SCFD1: variants seen among roughly 807,000 people sequenced by gnomAD.
The protein encoded by SCFD1 is sec1 family domain-containing protein 1.
Under a neutral mutation model 103.2 loss-of-function variants are expected in SCFD1, and 37 were observed. The observed-to-expected ratio is 0.36, with a 90% CI of 0.28 to 0.47. The LOEUF is 0.47. Among genes scored for constraint, SCFD1 ranks in the 20% least tolerant of loss-of-function variants. The pLI, the probability that SCFD1 is intolerant of heterozygous loss-of-function variation, is 1.00. For missense variants in SCFD1, 639 were observed against 761.2 expected, an observed-to-expected ratio of 0.84 and a Z score of 1.89; for synonymous variants, 264 against 245.0, an observed-to-expected ratio of 1.08 and a Z score of -0.73.
chr14:30,683,356 A>G (rs1370439321), intron 14 of SCFD1: 4 of 579,102 alleles, frequency 6.9e-6, no homozygotes, highest in African/African-American at 1.9e-5. Flanking sequence ...AACTCTAGTG[A>G]GAGCTTATGC....
At chr14:30,721,793 T>G in intron 21 of SCFD1, 91 bp from the exon 22 acceptor site, 1 of 1,034,308 alleles carries the variant, frequency 9.7e-7, no homozygotes, top group Non-Finnish European at 1.5e-6. Flanking sequence ...AATACTTACC[T>G]AATAGTGCAT....
At chr14:30,681,483 A>T (rs1889477575) in intron 14 of SCFD1, among the ~76,000 whole-genome samples, 1 of 152,036 alleles carries the variant, frequency 6.6e-6, no homozygotes, top group South Asian at 2.1e-4. Context: ...GTCAATACAT[A>T]GGATAAATTT....
chr14:30,675,735 A>G (rs545332562), intron 14 of SCFD1, among the ~76,000 whole-genome samples: 13 of 152,292 alleles, frequency 8.5e-5, no homozygotes, highest in African/African-American at 3.1e-4. Context: ...TCCATTTTAT[A>G]TGATGCATTT....
At chr14:30,681,483 A>G (rs1889477575) in intron 14 of SCFD1, among the ~76,000 whole-genome samples, 1 of 152,036 alleles carries the variant, frequency 6.6e-6, no homozygotes, top group South Asian at 2.1e-4. Flanking sequence ...GTCAATACAT[A>G]GGATAAATTT....
chr14:30,694,747 C>T lies in SCFD1; in HGVS notation c.1243-26C>T, dbSNP rs188311014. 14 of 1,560,436 alleles carry T rather than the reference C, an allele frequency of 9.0e-6. No homozygotes were observed. The East Asian group carries it at 3.3e-4, about 36-fold the overall frequency. On this transcript the variant is annotated intron_variant, in intron 14 of 24. Transcript: ENST00000458591. Reference sequence around the variant, plus strand: ...ATGTATTTTAATGACTTAATATATTCTCATCTAATGTTTATTTTGAAACAG... The same window carrying T: ...ATGTATTTTAATGACTTAATATATTTTCATCTAATGTTTATTTTGAAACAG...
chr14:30,723,765 A>G (rs1039232774), intron 23 of SCFD1, among the ~76,000 whole-genome samples: 2 of 152,340 alleles, frequency 1.3e-5, no homozygotes, highest in Admixed American at 6.5e-5. Context: ...TCCATGGTAT[A>G]TATGTACCAC....
intron 19 of SCFD1, among the ~76,000 whole-genome samples, chr14:30,709,037 A>T (rs1260789775): frequency 6.6e-6 from 1 of 151,982 alleles, no homozygotes; most frequent in African/African-American, 2.4e-5. Flanking sequence ...CATCTATCCC[A>T]TTTGTGTTTT....
At chr14:30,718,329 A>G (rs1027382459) in intron 20 of SCFD1, among the ~76,000 whole-genome samples, 5 of 152,214 alleles carry the variant, frequency 3.3e-5, no homozygotes, top group Non-Finnish European at 5.9e-5. Flanking sequence ...ATGGATGGCT[A>G]CCTTGTGGAT....
intron 23 of SCFD1, 84 bp downstream of exon 23, chr14:30,722,643 C>T: frequency 1.5e-6 from 1 of 672,640 alleles, no homozygotes; most frequent in Non-Finnish European, 2.4e-6. Context: ...TATCCTGATC[C>T]TTCTATAACT....
chr14:30,638,963 A>G (rs1416872187), intron 5 of SCFD1, among the ~76,000 whole-genome samples: 1 of 152,224 alleles, frequency 6.6e-6, no homozygotes, highest in Non-Finnish European at 1.5e-5. Flanking sequence ...TTAGAGTTAA[A>G]TAGACCACTA....
At position 30,688,909 on chromosome 14, in the gene SCFD1, CG is replaced by C. The variant is rs1389907958; in HGVS notation, c.1243-5863del. ...AGTTGATGCAATTTCTTCCTAGTCT[CG>C]ATGGTCTTTACATTTTGGCATGATT... On this transcript the variant is annotated intron_variant, in intron 14 of 24. Coordinates refer to ENST00000458591, the MANE Select transcript of SCFD1 (RefSeq NM_016106.4). Among the ~76,000 whole-genome samples the C allele has an allele frequency of 3.3e-5, 3 of 92,148 alleles. 1 individual carries two copies. In the Admixed American group the frequency reaches 3.4e-4, roughly 10 times the overall value. 60.5% of individuals were successfully genotyped at this position (92,148 alleles called of 152,430 possible). A position where few individuals can be genotyped will look rare whatever the true frequency, so the allele number is the denominator to read the frequency against.
At chr14:30,717,432 G>A (rs1892354430) in intron 20 of SCFD1, among the ~76,000 whole-genome samples, 2 of 152,140 alleles carry the variant, frequency 1.3e-5, no homozygotes. Flanking sequence ...AGCCAAGATT[G>A]TGCCACTGCA....
chr14:30,645,874 T>C (rs1337358092), intron 7 of SCFD1, among the ~76,000 whole-genome samples: 1 of 152,204 alleles, frequency 6.6e-6, no homozygotes, highest in Non-Finnish European at 1.5e-5. Flanking sequence ...TAAATGGGAA[T>C]GGGTGTCCTT....
Position 30,702,295 on chromosome 14 carries a change from G to A in SCFD1, c.1411-1G>A. 6.3e-7 allele frequency: 1 copy of A among 1,583,902 alleles called. No homozygotes were observed. Among genetic ancestry groups the A allele is most frequent in the Non-Finnish European group, 8.6e-7 (1 of 1,163,742 alleles). Reference sequence around the variant, plus strand: ...GTCATATAGTTCTTTTCTTATTTCAGGCTGATTTGGAGCAATATAAAAAAG... The same window carrying A: ...GTCATATAGTTCTTTTCTTATTTCAAGCTGATTTGGAGCAATATAAAAAAG... On this transcript the variant is annotated splice_acceptor_variant, in intron 16 of 24. Transcript: ENST00000458591. LOFTEE classifies it high-confidence loss of function.
At chr14:30,688,856 A>G (rs1399202463) in intron 14 of SCFD1, among the ~76,000 whole-genome samples, 1 of 92,900 alleles carries the variant, frequency 1.1e-5, no homozygotes, top group Non-Finnish European at 1.8e-5. Flanking sequence ...TCCTGTCATT[A>G]GGATGTTAGC....
chr14:30,673,855 G>T, intron 12 of SCFD1, 69 bp from the exon 13 acceptor site: 3 of 1,034,532 alleles, frequency 2.9e-6, no homozygotes, highest in East Asian at 2.4e-5. Context: ...TCCAATCTTA[G>T]GATGTGTTGA....
intron 10 of SCFD1, 132 bp from the exon 11 acceptor site, chr14:30,670,124 C>T: frequency 2.9e-6 from 2 of 685,282 alleles, no homozygotes. Context: ...TTGTATGTAA[C>T]AAAAGATTGG....
At chr14:30,722,350 AC>A (rs1186587642) in intron 22 of SCFD1, 143 bp from the exon 23 acceptor site, 44 of 554,710 alleles carry the variant, frequency 7.9e-5, no homozygotes, top group East Asian at 7.1e-4. Flanking sequence ...TTATAAATTG[AC>A]TTTTTAGAAA....
chr14:30,622,295 C>T (rs377489683), upstream of SCFD1: 101 of 1,592,576 alleles, frequency 6.3e-5, no homozygotes, highest in Non-Finnish European at 6.0e-6. Flanking sequence ...CACGTCATCC[C>T]CCCGCTCCGC....
Sources: allele counts gnomAD v4.1 joint callset (sites outside exome capture counted in the v4.1 genomes callset), GRCh38; gene constraint gnomAD v4.1.1; transcripts MANE v1.5; gene names NCBI Gene and HGNC (gene_info 2026-07-23, HGNC 2026-07-21).